The following ITPK1 variants were observed in gnomAD, a reference collection of about 807,000 sequenced individuals.
The protein encoded by ITPK1 is inositol 1,3,4-trisphosphate 5/6-kinase.
ITPK1 carries 21 observed loss-of-function variants against 45.3 expected under a neutral mutation model. That is an observed-to-expected ratio of 0.46 (90% CI 0.33 to 0.67). ITPK1 has a LOEUF of 0.67. ITPK1 is among the 30% of genes least tolerant of loss of function. The probability of loss-of-function intolerance (pLI) is 0.02; values close to 1 mark genes in which losing one functional copy is unlikely to be tolerated. For missense variants in ITPK1, 474 were observed against 573.5 expected, an observed-to-expected ratio of 0.83 and a Z score of 1.77; for synonymous variants, 258 against 253.6, an observed-to-expected ratio of 1.02 and a Z score of -0.16.
chr14:93,067,084 G>A (rs1032959299), intron 3 of ITPK1, among the ~76,000 whole-genome samples: 36 of 152,338 alleles, frequency 2.4e-4, no homozygotes, highest in African/African-American at 7.9e-4. Flanking sequence ...AGGACAGTCA[G>A]CTACTTTAAG....
chr14:93,001,560 C>T (rs144002196), intron 4 of ITPK1, among the ~76,000 whole-genome samples: 389 of 152,204 alleles, frequency 2.6e-3, no homozygotes, highest in Non-Finnish European at 4.0e-3. Context: ...AGCACCAAGG[C>T]GAACCCAGCG....
At chr14:93,009,803 C>A (rs755256119) in intron 4 of ITPK1, among the ~76,000 whole-genome samples, 41 of 152,316 alleles carry the variant, frequency 2.7e-4, no homozygotes, top group Non-Finnish European at 4.6e-4. Context: ...CAGAGGCAAT[C>A]CCAGACGATG....
At chr14:92,959,060 C>T (rs1004028472) in intron 7 of ITPK1, among the ~76,000 whole-genome samples, 8 of 152,340 alleles carry the variant, frequency 5.3e-5, no homozygotes, top group African/African-American at 1.4e-4. Context: ...CCGCAAACAA[C>T]AGGCCTTTGT....
rs562312049 is a variant in ITPK1 at position 93,021,522 on chromosome 14, G to A, written c.121-4721C>T. Among the ~76,000 whole-genome samples the A allele has an allele frequency of 1.5e-4, 23 of 152,040 alleles. No individual in the cohort carries two copies. The South Asian group carries it at 2.1e-3, about 14-fold the overall frequency. On this transcript the variant is annotated intron_variant, in intron 3 of 10. Coordinates refer to ENST00000267615, the MANE Select transcript of ITPK1 (RefSeq NM_014216.6). ...GTGGGAGAATTGCTTGAACCCGGGA[G>A]GCGGAGGTTGCAGTGAGCCGAGATG...
At chr14:93,006,331 A>G (rs539206735) in intron 4 of ITPK1, among the ~76,000 whole-genome samples, 1 of 152,342 alleles carries the variant, frequency 6.6e-6, no homozygotes, top group Non-Finnish European at 1.5e-5. Context: ...AACAGAATGA[A>G]TATAGAATAA....
chr14:92,978,359 A>C (rs1314870494), intron 5 of ITPK1, among the ~76,000 whole-genome samples: 2 of 152,012 alleles, frequency 1.3e-5, no homozygotes, highest in African/African-American at 2.4e-5. Context: ...AGAGCATAAA[A>C]GTGAAAAATT....
chr14:93,080,246 A>G (rs1388352618), intron 2 of ITPK1, among the ~76,000 whole-genome samples: 1 of 152,218 alleles, frequency 6.6e-6, no homozygotes, highest in African/African-American at 2.4e-5. Context: ...CGCTACAGGA[A>G]AACAATCATG....
At chr14:92,997,447 CAGA>C (rs1887113502) in intron 4 of ITPK1, among the ~76,000 whole-genome samples, 1 of 152,218 alleles carries the variant, frequency 6.6e-6, no homozygotes, top group Non-Finnish European at 1.5e-5. Context: ...TCAGCATTAA[CAGA>C]AGAATTCTTC....
At chr14:92,976,295 T>C (rs985928437) in intron 5 of ITPK1, among the ~76,000 whole-genome samples, 5 of 152,206 alleles carry the variant, frequency 3.3e-5, no homozygotes, top group African/African-American at 1.2e-4. Flanking sequence ...TGCTGTTCCC[T>C]TGAATGTGAA....
At chr14:92,970,133 T>A (rs2139759386) in intron 5 of ITPK1, among the ~76,000 whole-genome samples, 1 of 152,112 alleles carries the variant, frequency 6.6e-6, no homozygotes, top group East Asian at 1.9e-4. Flanking sequence ...AAACAAAAGT[T>A]CAGTGACAAA....
At chr14:93,021,583 A>G (rs1290195493) in intron 3 of ITPK1, among the ~76,000 whole-genome samples, 6 of 151,210 alleles carry the variant, frequency 4.0e-5, no homozygotes, top group African/African-American at 1.5e-4. Context: ...ACAGAATGAG[A>G]CCCTGTCTCA....
At chr14:92,967,879 G>A (rs748121473) in intron 5 of ITPK1, among the ~76,000 whole-genome samples, 3 of 152,190 alleles carry the variant, frequency 2.0e-5, no homozygotes, top group Non-Finnish European at 4.4e-5. Context: ...CAAAAAAAGA[G>A]ATTAATGGTT....
intron 3 of ITPK1, chr14:93,071,875 T>C (rs961222725): frequency 7.9e-5 from 12 of 152,192 alleles, no homozygotes; most frequent in African/African-American, 2.9e-4. Context: ...TGATTTCCTG[T>C]GATCATAAAG....
intron 5 of ITPK1, among the ~76,000 whole-genome samples, chr14:92,967,485 G>C (rs1431449287): frequency 2.0e-5 from 3 of 152,216 alleles, no homozygotes; most frequent in Non-Finnish European, 4.4e-5. Context: ...AAATGGTACA[G>C]AAGCTTGGGA....
Position 92,937,020 on chromosome 14 carries a change from C to T in ITPK1, c.*4541G>A, listed in dbSNP as rs1358071622. On this transcript the variant is annotated 3_prime_UTR_variant, in exon 11 of 11. Transcript: ENST00000267615. ...CAACATTAACTGTACTCCACTAGAC[C>T]GTTAGAAATCAAAACAAGACTAGTT... 1 of 152,276 alleles carries T rather than the reference C, an allele frequency of 6.6e-6. No homozygotes were observed. Among genetic ancestry groups the T allele is most frequent in the Non-Finnish European group, 1.5e-5 (1 of 68,036 alleles). 9.4% of individuals were successfully genotyped at this position (152,276 alleles called of 1,614,324 possible). A position where few individuals can be genotyped will look rare whatever the true frequency, so the allele number is the denominator to read the frequency against.
At chr14:93,045,164 A>C (rs1889723838) in intron 3 of ITPK1, among the ~76,000 whole-genome samples, 1 of 152,222 alleles carries the variant, frequency 6.6e-6, no homozygotes. Context: ...TCAAGATCAA[A>C]CCAAACCTCC....
intron 5 of ITPK1, among the ~76,000 whole-genome samples, chr14:92,990,311 C>A (rs1380372148): frequency 6.6e-6 from 1 of 152,162 alleles, no homozygotes; most frequent in Admixed American, 6.5e-5. Flanking sequence ...ATGTCTAGAT[C>A]TTGGATGTGA....
chr14:92,988,638 G>A lies in ITPK1; in HGVS notation c.364+5242C>T, dbSNP rs372869013. Among the ~76,000 whole-genome samples, 9 of 152,224 alleles carry A rather than the reference G, an allele frequency of 5.9e-5. 1 individual carries two copies. In the South Asian group the frequency reaches 8.3e-4, roughly 14 times the overall value. On this transcript the variant is annotated intron_variant, in intron 5 of 10. Coordinates refer to ENST00000267615, the MANE Select transcript of ITPK1 (RefSeq NM_014216.6). ...TCTCCATCAGCCACAGGGGAACTGG[G>A]GGTGTGGAAGGGGTACACACAGGGG... is the stretch of plus-strand genomic sequence containing the variant.
intron 2 of ITPK1, among the ~76,000 whole-genome samples, chr14:93,094,863 C>T (rs1378798674): frequency 6.6e-6 from 1 of 152,250 alleles, no homozygotes; most frequent in African/African-American, 2.4e-5. Flanking sequence ...CCTACATGCC[C>T]AGAGTCCGTG....
Sources: gnomAD v4.1 joint callset for allele counts (sites outside exome capture counted in the v4.1 genomes callset) on GRCh38, gnomAD v4.1.1 for gene constraint, MANE v1.5 for transcripts, NCBI Gene and HGNC (gene_info 2026-07-23, HGNC 2026-07-21) for gene names.